The following AGTPBP1 variants were observed in gnomAD, a reference collection of about 807,000 sequenced individuals.
The protein encoded by AGTPBP1 is cytosolic carboxypeptidase 1.
A neutral mutation model predicts 143.9 loss-of-function variants in AGTPBP1; 70 were observed. That is an observed-to-expected ratio of 0.49 (90% CI 0.40 to 0.59). AGTPBP1 has a LOEUF of 0.59. Ranked by LOEUF, AGTPBP1 falls within the 20% of genes least tolerant of loss-of-function variation. The pLI, the probability that AGTPBP1 is intolerant of heterozygous loss-of-function variation, is 0.00. For synonymous variants in AGTPBP1, 463 were observed against 500.2 expected, an observed-to-expected ratio of 0.93 and a Z score of 0.99; for missense variants, 1,229 against 1,464.5, an observed-to-expected ratio of 0.84 and a Z score of 2.62.
rs572306630 is a variant in AGTPBP1 at position 85,735,389 on chromosome 9, G to A, written c.-34+6386C>T. On this transcript the variant is annotated intron_variant, in intron 1 of 25. Transcript: ENST00000357081. ...CAGGGAATGGATTATGGGGGAGGGGGAGAGTAATTGTTTAATATATACAGA... is the reference window on the plus strand; with the variant it reads ...CAGGGAATGGATTATGGGGGAGGGGAAGAGTAATTGTTTAATATATACAGA... 6.6e-5 allele frequency among the ~76,000 whole-genome samples: 10 copies of A among 152,326 alleles called. 1 individual carries two copies. The highest frequency in any genetic ancestry group is 5.2e-4 in the Admixed American group (8 of 15,296).
chr9:85,565,560 G>T (rs968025827), intron 25 of AGTPBP1, among the ~76,000 whole-genome samples: 1 of 152,164 alleles, frequency 6.6e-6, no homozygotes, highest in African/African-American at 2.4e-5. Context: ...AGACAATAAA[G>T]AGAAAAGGAC....
chr9:85,707,630 G>T (rs1837094739), intron 2 of AGTPBP1, among the ~76,000 whole-genome samples: 1 of 152,138 alleles, frequency 6.6e-6, no homozygotes, highest in Admixed American at 6.5e-5. Context: ...TAGAAGAAAT[G>T]AACAAATGCC....
chr9:85,677,862 G>A (rs1228504350), intron 5 of AGTPBP1, among the ~76,000 whole-genome samples: 1 of 152,026 alleles, frequency 6.6e-6, no homozygotes, highest in African/African-American at 2.4e-5. Flanking sequence ...AAATTAGCCA[G>A]GCATGGTGGC....
At chr9:85,796,205 C>T in the AGTPBP1 span, among the ~76,000 whole-genome samples, 4,243 of 152,038 alleles carry the variant, frequency 0.028, 182 homozygotes, top group African/African-American at 0.095. Flanking sequence ...AAAGAATTAC[C>T]GCAAGAGTGA....
intron 24 of AGTPBP1, among the ~76,000 whole-genome samples, chr9:85,577,611 C>G (rs1312469133): frequency 1.3e-5 from 2 of 152,162 alleles, no homozygotes; most frequent in Non-Finnish European, 2.9e-5. Context: ...TGGAAGATCA[C>G]ACTGTGATCA....
At chr9:85,747,498 C>A in the AGTPBP1 span, among the ~76,000 whole-genome samples, 2 of 152,278 alleles carry the variant, frequency 1.3e-5, no homozygotes, top group East Asian at 3.9e-4. Context: ...ATTTCCTTAT[C>A]CACGAGCATG....
intron 24 of AGTPBP1, among the ~76,000 whole-genome samples, chr9:85,575,842 G>A (rs548344312): frequency 3.3e-5 from 5 of 152,144 alleles, no homozygotes; most frequent in African/African-American, 9.6e-5. Context: ...CCACTACTTC[G>A]TATGCTAATG....
At chr9:85,756,255 T>G in the AGTPBP1 span, 1 of 1,593,034 alleles carries the variant, frequency 6.3e-7, no homozygotes, top group African/African-American at 1.4e-5. Flanking sequence ...AGTCAGGTAT[T>G]CTGTTTAATA....
chr9:85,709,353 C>T lies in AGTPBP1; in HGVS notation c.32+3149G>A, dbSNP rs749413317. Among the ~76,000 whole-genome samples the T allele has an allele frequency of 1.5e-4, 23 of 152,246 alleles. 1 individual carries two copies. Among genetic ancestry groups the T allele is most frequent in the Non-Finnish European group, 2.9e-4 (20 of 68,002 alleles). The stretch of plus-strand genomic sequence containing the variant: ...TGATAAAAAGCATTTAAGAAACCCA[C>T]AGTTAACAAAATGTTTAAAGGTAAA... On this transcript the variant is annotated intron_variant, in intron 2 of 25. Coordinates refer to ENST00000357081, the MANE Select transcript of AGTPBP1 (RefSeq NM_001330701.2).
intron 13 of AGTPBP1, among the ~76,000 whole-genome samples, chr9:85,634,230 G>T (rs1831884165): frequency 6.6e-6 from 1 of 150,672 alleles, no homozygotes; most frequent in African/African-American, 2.4e-5. Flanking sequence ...GGACAGGACA[G>T]GCAGGATGTA....
chr9:85,566,906 C>CTATAAGGGAA (rs917748510), intron 25 of AGTPBP1, among the ~76,000 whole-genome samples: 22 of 152,174 alleles, frequency 1.4e-4, no homozygotes, highest in African/African-American at 5.3e-4. Flanking sequence ...AAGCTAAAGA[C>CTATAAGGGAA]TTTATAGCAT....
In AGTPBP1 at chr9:85,691,491, A is replaced by G. The variant is rs544353450; in HGVS notation, c.157+1198T>C. ...GAAATACCTTTTATGTGCACTGTTA[A>G]ATATTAAAGTAGTGCTGGTTTTCTC... On this transcript the variant is annotated intron_variant, in intron 3 of 25. Transcript: ENST00000357081. 2.0e-5 allele frequency among the ~76,000 whole-genome samples: 3 copies of G among 151,440 alleles called. No individual in the cohort carries two copies. In the East Asian group the frequency reaches 5.9e-4, roughly 30 times the overall value.
chr9:85,660,568 G>T (rs942196014), intron 9 of AGTPBP1, among the ~76,000 whole-genome samples: 1 of 152,084 alleles, frequency 6.6e-6, no homozygotes, highest in Non-Finnish European at 1.5e-5. Flanking sequence ...ATCAGAGACA[G>T]TAGTTGTTAA....
chr9:85,734,069 T>G (rs1010064550), intron 1 of AGTPBP1, among the ~76,000 whole-genome samples: 1 of 152,094 alleles, frequency 6.6e-6, no homozygotes, highest in Non-Finnish European at 1.5e-5. Flanking sequence ...CTGGCCAACA[T>G]GGTGAAACCC....
chr9:85,564,982 G>A (rs1312257148), intron 25 of AGTPBP1, among the ~76,000 whole-genome samples: 1 of 152,188 alleles, frequency 6.6e-6, no homozygotes, highest in Admixed American at 6.5e-5. Flanking sequence ...TGAGGTTACA[G>A]TGAGAAGAAG....
the AGTPBP1 span, among the ~76,000 whole-genome samples, chr9:85,778,838 C>A: frequency 1.2e-4 from 18 of 152,166 alleles, no homozygotes; most frequent in African/African-American, 4.3e-4. Context: ...AGCAACCAAC[C>A]AGCTTCATTA....
intron 1 of AGTPBP1, among the ~76,000 whole-genome samples, chr9:85,740,159 T>C (rs1588015697): frequency 6.6e-6 from 1 of 152,340 alleles, no homozygotes. Flanking sequence ...TTTATAAAAA[T>C]TGCTTCTACA....
intron 17 of AGTPBP1, among the ~76,000 whole-genome samples, chr9:85,596,767 T>C (rs1032764034): frequency 3.9e-5 from 6 of 152,070 alleles, no homozygotes; most frequent in East Asian, 1.9e-4. Context: ...CCAAAACATA[T>C]GTAAAGACAT....
At chr9:85,644,480 A>G (rs1444752779) in intron 12 of AGTPBP1, among the ~76,000 whole-genome samples, 1 of 151,908 alleles carries the variant, frequency 6.6e-6, no homozygotes, top group African/African-American at 2.4e-5. Flanking sequence ...TAATGGGGAA[A>G]GAAAACTACA....
Sources: gnomAD v4.1 joint callset for allele counts (sites outside exome capture counted in the v4.1 genomes callset) on GRCh38, gnomAD v4.1.1 for gene constraint, MANE v1.5 for transcripts, NCBI Gene and HGNC (gene_info 2026-07-23, HGNC 2026-07-21) for gene names.